The following LPP variants were observed in gnomAD, a reference collection of about 807,000 sequenced individuals.
The protein encoded by LPP is LIM domain containing preferred translocation partner in lipoma, also known as lipoma-preferred partner.
LPP carries 38 observed loss-of-function variants against 60.4 expected under a neutral mutation model. The ratio of observed to expected loss-of-function variants is 0.63; its 90% CI spans 0.49 to 0.83. LPP has a LOEUF of 0.83. LPP is among the 40% of genes least tolerant of loss of function. LPP has a pLI of 0.00. For synonymous variants in LPP, 328 were observed against 290.8 expected (o/e 1.13, Z -1.30); for missense variants, 902 against 783.6 (o/e 1.15, Z -1.80).
rs1463318065 is a variant in LPP at position 188,825,269 on chromosome 3, C to CTCTGTGTGTGTGTGTG, written c.1411-40930_1411-40929insCTGTGTGTGTGTGTGT. Among the ~76,000 whole-genome samples the CTCTGTGTGTGTGTGTG allele has an allele frequency of 7.4e-4, 75 of 101,756 alleles. 1 individual carries two copies. The highest frequency in any genetic ancestry group is 1.2e-3 in the East Asian group (3 of 2,500). 66.8% of individuals were successfully genotyped at this position (101,756 alleles called of 152,430 possible). ...TCTTTCTCTCTCTCTCTCTCTCTCT[C>CTCTGTGTGTGTGTGTG]TGTGTGTGTGTGTGTGTGTGTGTGT... is the stretch of plus-strand genomic sequence containing the variant. On this transcript the variant is annotated intron_variant, in intron 9 of 11. Coordinates refer to ENST00000617246, the MANE Select transcript of LPP (RefSeq NM_001375462.1).
chr3:188,243,193 TACA>T (rs954839597), intron 2 of LPP, among the ~76,000 whole-genome samples: 7 of 152,202 alleles, frequency 4.6e-5, no homozygotes, highest in African/African-American at 1.2e-4. Flanking sequence ...CTCCTATTTT[TACA>T]ACAACTCTAG....
chr3:188,236,241 T>A (rs1436230778), intron 2 of LPP, among the ~76,000 whole-genome samples: 1 of 152,142 alleles, frequency 6.6e-6, no homozygotes, highest in Non-Finnish European at 1.5e-5. Flanking sequence ...GAAAAATAAT[T>A]GAGGTTAAAG....
intron 5 of LPP, among the ~76,000 whole-genome samples, chr3:188,496,126 A>G (rs1198364933): frequency 6.6e-6 from 1 of 150,552 alleles, no homozygotes; most frequent in East Asian, 1.9e-4. Context: ...TTCAAAATTG[A>G]CGTCTTTTTT....
At chr3:188,501,111 T>C (rs1438447934) in intron 5 of LPP, among the ~76,000 whole-genome samples, 1 of 152,154 alleles carries the variant, frequency 6.6e-6, no homozygotes, top group Non-Finnish European at 1.5e-5. Context: ...TTTTCTTTCT[T>C]TTTTTCCAAG....
chr3:188,889,015 G>A lies in LPP; in HGVS notation c.*14536G>A, dbSNP rs1770980936. Reference sequence around the variant, plus strand: ...CTGTATTAGGATGTGTGTCATATGTGTGTTCTATAAACTAAGCATCGGTGG... The same window carrying A: ...CTGTATTAGGATGTGTGTCATATGTATGTTCTATAAACTAAGCATCGGTGG... On this transcript the variant is annotated 3_prime_UTR_variant, in exon 12 of 12. Transcript: ENST00000617246. 1.4e-5 allele frequency: 3 copies of A among 219,308 alleles called. No homozygotes were observed. Among genetic ancestry groups the A allele is most frequent in the Non-Finnish European group, 2.7e-5 (3 of 109,368 alleles). The allele number at this position is 219,308 out of a possible 1,614,324, so 13.6% of individuals were successfully genotyped here.
At chr3:188,762,486 A>G (rs905966539) in intron 9 of LPP, among the ~76,000 whole-genome samples, 7 of 152,222 alleles carry the variant, frequency 4.6e-5, no homozygotes, top group African/African-American at 7.2e-5. Flanking sequence ...CCTTTCAGAC[A>G]TACTCCTCGC....
chr3:188,154,524 G>A (rs529660958), intron 1 of LPP, among the ~76,000 whole-genome samples: 101 of 152,264 alleles, frequency 6.6e-4, no homozygotes, highest in Non-Finnish European at 1.5e-5. Flanking sequence ...TTTTCTGGGC[G>A]CCCAGGGGGC....
chr3:188,222,254 G>A (rs1716057748), intron 1 of LPP, among the ~76,000 whole-genome samples: 1 of 152,086 alleles, frequency 6.6e-6, no homozygotes, highest in Admixed American at 6.6e-5. Flanking sequence ...TTACAGTCAG[G>A]AGACATACAG....
chr3:188,564,396 G>A (rs1239107664), intron 6 of LPP, among the ~76,000 whole-genome samples: 1 of 151,278 alleles, frequency 6.6e-6, no homozygotes, highest in African/African-American at 2.4e-5. Context: ...CAGATAATGT[G>A]TTGTTGTGCT....
intron 2 of LPP, among the ~76,000 whole-genome samples, chr3:188,290,893 C>A (rs1192998691): frequency 6.6e-6 from 1 of 152,170 alleles, no homozygotes; most frequent in East Asian, 1.9e-4. Context: ...CCTCAGTCTG[C>A]ACATGCCTGG....
At chr3:188,376,682 G>A (rs1238397753) in intron 3 of LPP, among the ~76,000 whole-genome samples, 2 of 152,222 alleles carry the variant, frequency 1.3e-5, no homozygotes, top group South Asian at 2.1e-4. Flanking sequence ...GTGTCTTTTA[G>A]TTGGAGCATT....
At chr3:188,269,645 A>ATATGTGTGTGTGTGTGTGTG (rs748506984) in intron 2 of LPP, among the ~76,000 whole-genome samples, 45 of 136,450 alleles carry the variant, frequency 3.3e-4, no homozygotes, top group Non-Finnish European at 5.1e-4. Context: ...CTTTTTTTTT[A>ATATGTGTGTGTGTGTGTGTG]TGTGTGTGTG....
intron 2 of LPP, among the ~76,000 whole-genome samples, chr3:188,301,545 G>C (rs570365693): frequency 6.6e-6 from 1 of 152,146 alleles, no homozygotes; most frequent in Non-Finnish European, 1.5e-5. Flanking sequence ...TAGCTTCAGA[G>C]TAGTTCTCTT....
intron 8 of LPP, among the ~76,000 whole-genome samples, chr3:188,727,143 C>G (rs2149979168): frequency 6.6e-6 from 1 of 152,300 alleles, no homozygotes; most frequent in Non-Finnish European, 1.5e-5. Flanking sequence ...TGAATTTCCA[C>G]TTTGCCACAG....
rs181245911 is a variant in LPP at position 188,207,468 on chromosome 3, G to T, written c.-189-17937G>T. On this transcript the variant is annotated intron_variant, in intron 1 of 11. Transcript: ENST00000617246. ...GCTGGTCTTGAACTCCTGACCTCAG[G>T]TGATCCGCCTGCCTCGGCCTCCCAA... Among the ~76,000 whole-genome samples the T allele has an allele frequency of 1.7e-3, 259 of 151,962 alleles. 1 individual carries two copies. The highest frequency in any genetic ancestry group is 6.1e-3 in the African/African-American group (253 of 41,484).
chr3:188,211,445 G>A (rs1734659698), intron 1 of LPP, among the ~76,000 whole-genome samples: 2 of 152,020 alleles, frequency 1.3e-5, no homozygotes. Flanking sequence ...CAGAACCACC[G>A]GGAAGCCAAG....
At chr3:188,423,228 C>T (rs1172674427) in intron 4 of LPP, among the ~76,000 whole-genome samples, 1 of 152,012 alleles carries the variant, frequency 6.6e-6, no homozygotes, top group Non-Finnish European at 1.5e-5. Context: ...TGTTAGTTTG[C>T]TGAGAATGAT....
rs769629299 is a variant in LPP at position 188,874,324 on chromosome 3, C to A, written c.1711-27C>A. 6.3e-7 allele frequency: 1 copy of A among 1,595,288 alleles called. No homozygotes were observed. The highest frequency in any genetic ancestry group is 1.1e-5 in the South Asian group (1 of 90,034). On this transcript the variant is annotated intron_variant, in intron 11 of 11. Coordinates refer to ENST00000617246, the MANE Select transcript of LPP (RefSeq NM_001375462.1). ...GTGTACTTAACGTTTTTACTTATGT[C>A]GTTTCCATCTGTCTTTACTGTTCTA...
intron 3 of LPP, among the ~76,000 whole-genome samples, chr3:188,400,339 T>C (rs1000216164): frequency 1.3e-5 from 2 of 152,230 alleles, no homozygotes; most frequent in African/African-American, 4.8e-5. Context: ...GTTAGCTGTA[T>C]ATCCTTGAGC....
Sources: gnomAD v4.1 joint callset for allele counts (sites outside exome capture counted in the v4.1 genomes callset) on GRCh38, gnomAD v4.1.1 for gene constraint, MANE v1.5 for transcripts, NCBI Gene and HGNC (gene_info 2026-07-23, HGNC 2026-07-21) for gene names.